The following SUPT16H variants were observed in gnomAD, a reference collection of about 807,000 sequenced individuals.
The protein encoded by SUPT16H is SPT16 homolog, facilitates chromatin remodeling subunit.
A neutral mutation model predicts 136.2 loss-of-function variants in SUPT16H; 24 were observed. The observed-to-expected ratio is 0.18, with a 90% confidence interval of 0.13 to 0.25. The LOEUF is 0.25. Ranked by LOEUF, SUPT16H falls within the 10% of genes least tolerant of loss-of-function variation. SUPT16H has a pLI of 1.00. For missense variants in SUPT16H, 623 were observed against 1,270.2 expected (o/e 0.49, Z 7.74); for synonymous variants, 415 against 428.2 (o/e 0.97, Z 0.38).
In SUPT16H at chr14:21,368,385, T is replaced by C; in HGVS notation, c.839A>G (p.Lys280Arg). 6.2e-7 allele frequency: 1 copy of C among 1,614,080 alleles called. No homozygotes were observed. The highest frequency in any genetic ancestry group is 8.5e-7 in the Non-Finnish European group (1 of 1,179,992). The change falls in exon 7 of 26, where the codon AAG becomes AGG. Residue 280 changes from lysine to arginine, a missense_variant. Transcript: ENST00000216297. ...GCGAACAAGGTTGGAGCAGTAAGAC[T>C]TGAAGCGAATACCCATGGCACAAGT... ...AITCAMGIRF[K>R]SYCSNLVRTL...
chr14:21,356,159 T>C (rs1886428555), intron 22 of SUPT16H, among the ~76,000 whole-genome samples: 1 of 151,760 alleles, frequency 6.6e-6, no homozygotes, highest in South Asian at 2.1e-4. Flanking sequence ...TGGAGAAGAG[T>C]ACAGGAAGGA....
rs775198001 is a variant in SUPT16H at position 21,362,959 on chromosome 14, TA to T, written c.1512-13del. On this transcript the variant is annotated splice_polypyrimidine_tract_variant and intron_variant, in intron 13 of 25. Coordinates refer to ENST00000216297, the MANE Select transcript of SUPT16H (RefSeq NM_007192.4). ...TAGACTTGCGAGCTCTGGAGTGGGA[TA>T]AAAAAACAACTGAGAAATTTCTGCA... 1.9e-6 allele frequency: 3 copies of T among 1,612,826 alleles called. No homozygotes were observed. In the Admixed American group the frequency reaches 5.0e-5, roughly 27 times the overall value.
At chr14:21,369,123 C>T (rs375136522) in intron 6 of SUPT16H, 81 bp downstream of exon 6, 7 of 1,496,780 alleles carry the variant, frequency 4.7e-6, no homozygotes, top group East Asian at 2.3e-5. Context: ...TCAGTGTACC[C>T]CACAAATTTG....
chr14:21,357,376 AGAAACT>A lies in SUPT16H; in HGVS notation c.2491-16_2491-11del. 6.4e-7 allele frequency: 1 copy of A among 1,569,592 alleles called. No homozygotes were observed. The highest frequency in any genetic ancestry group is 1.4e-5 in the African/African-American group (1 of 73,044). On this transcript the variant is annotated splice_polypyrimidine_tract_variant and intron_variant, in intron 21 of 25. Transcript: ENST00000216297. ...TCACCACAAAAGGTGGCTGTCAGGG[AGAAACT>A]GAATCATTAGCATATAAGTATTTCC... is the stretch of plus-strand genomic sequence containing the variant.
At chr14:21,355,408 G>A (rs1042406078) in intron 22 of SUPT16H, among the ~76,000 whole-genome samples, 28 of 150,876 alleles carry the variant, frequency 1.9e-4, no homozygotes, top group African/African-American at 5.8e-4. Context: ...CAGGAGAATC[G>A]CTTGAACCTG....
Position 21,369,876 on chromosome 14 carries a change from C to G in SUPT16H, c.504G>C (p.Val168=). 1 of 1,614,100 alleles carries G rather than the reference C, an allele frequency of 6.2e-7. No homozygotes were observed. Among genetic ancestry groups the G allele is most frequent in the Non-Finnish European group, 8.5e-7 (1 of 1,180,000 alleles). ...GFDKIDISAV[V]AYTIAVKEDG... is the part of the protein sequence containing the mutation. ...CCTCCTTTACAGCGATGGTATATGC[C>G]ACAACTGCACTGATATCTATCTGCA... is the stretch of plus-strand genomic sequence containing the variant. The change falls in exon 5 of 26, where the codon GTG becomes GTC. Residue 168 remains valine, a synonymous_variant. Transcript: ENST00000216297.
At chr14:21,370,678 A>G (rs1886767133) in intron 3 of SUPT16H, among the ~76,000 whole-genome samples, 190 bp from the exon 4 acceptor site, 1 of 152,178 alleles carries the variant, frequency 6.6e-6, no homozygotes, top group Non-Finnish European at 1.5e-5. Context: ...CAGTGGTGTG[A>G]TCACAGCTTA....
intron 19 of SUPT16H, 38 bp downstream of exon 19, chr14:21,359,446 C>T: frequency 6.2e-7 from 1 of 1,603,912 alleles, no homozygotes; most frequent in Non-Finnish European, 8.5e-7. Context: ...CTCATCCTCC[C>T]TCACTATCCT....
chr14:21,374,202 C>T (rs540532441), intron 1 of SUPT16H, among the ~76,000 whole-genome samples: 23 of 152,332 alleles, frequency 1.5e-4, no homozygotes, highest in Admixed American at 1.4e-3. Context: ...ATGAACACTT[C>T]AACAACATGA....
intron 1 of SUPT16H, among the ~76,000 whole-genome samples, chr14:21,380,215 T>C (rs1886992755): frequency 6.6e-6 from 1 of 151,750 alleles, no homozygotes. Context: ...CATTTTGTTA[T>C]CAGAGACTTG....
At chr14:21,369,927 T>C (rs1201960506) in intron 4 of SUPT16H, 31 bp from the exon 5 acceptor site, 1 of 1,608,820 alleles carries the variant, frequency 6.2e-7, no homozygotes, top group South Asian at 1.1e-5. Context: ...GTTTCTAACA[T>C]GCAAGTACAG....
At chr14:21,358,917 G>A (rs913483051) in intron 19 of SUPT16H, among the ~76,000 whole-genome samples, 4 of 148,502 alleles carry the variant, frequency 2.7e-5, no homozygotes, top group Non-Finnish European at 5.9e-5. Context: ...CCATTCTCCC[G>A]CCTCAGCCTC....
intron 2 of SUPT16H, among the ~76,000 whole-genome samples, chr14:21,372,932 G>A (rs1886819213): frequency 6.6e-6 from 1 of 152,050 alleles, no homozygotes; most frequent in Admixed American, 6.6e-5. Context: ...ACAGCTGATG[G>A]GACTGAGAAA....
chr14:21,374,444 A>C (rs1399828445), intron 1 of SUPT16H, among the ~76,000 whole-genome samples: 2 of 152,228 alleles, frequency 1.3e-5, no homozygotes, highest in African/African-American at 4.8e-5. Context: ...CAACCATCAC[A>C]ATTTTGGAAC....
chr14:21,382,038 G>A (rs1278380653), intron 1 of SUPT16H, among the ~76,000 whole-genome samples: 1 of 152,066 alleles, frequency 6.6e-6, no homozygotes, highest in Non-Finnish European at 1.5e-5. Flanking sequence ...GAGGATAAGC[G>A]ACTAGATTTA....
In SUPT16H at chr14:21,353,130, T is replaced by C. The variant is rs577075064; in HGVS notation, c.2999-312A>G. Reference sequence around the variant, plus strand: ...TAGATTAGCATTATAAAGACATGCCTAACCTGGAAGAAGCCTAGAAAATTA... The same window carrying C: ...TAGATTAGCATTATAAAGACATGCCCAACCTGGAAGAAGCCTAGAAAATTA... On this transcript the variant is annotated intron_variant, in intron 25 of 25. Coordinates refer to ENST00000216297, the MANE Select transcript of SUPT16H (RefSeq NM_007192.4). Among the ~76,000 whole-genome samples, 4 of 152,328 alleles carry C rather than the reference T, an allele frequency of 2.6e-5. 1 individual carries two copies. The highest frequency in any genetic ancestry group is 9.6e-5 in the African/African-American group (4 of 41,576).
chr14:21,372,961 A>G (rs1413681325), intron 2 of SUPT16H, among the ~76,000 whole-genome samples: 1 of 152,146 alleles, frequency 6.6e-6, no homozygotes, highest in East Asian at 1.9e-4. Context: ...TTTTAAAGTA[A>G]GAGACAGGGT....
intron 1 of SUPT16H, among the ~76,000 whole-genome samples, chr14:21,378,658 C>A (rs1372947412): frequency 1.3e-5 from 2 of 152,024 alleles, no homozygotes; most frequent in South Asian, 4.2e-4. Context: ...TGTGATGACA[C>A]AAAGAAGTTA....
In SUPT16H at chr14:21,351,920, C is replaced by T. The variant is rs61977520; in HGVS notation, c.*753G>A. 0.025 allele frequency: 3,780 copies of T among 152,730 alleles called. 50 individuals carry two copies. Among genetic ancestry groups the T allele is most frequent in the African/African-American group, 0.033 (1,355 of 41,526 alleles). The allele number at this position is 152,730 out of a possible 1,614,324, so 9.5% of individuals were successfully genotyped here. On this transcript the variant is annotated 3_prime_UTR_variant, in exon 26 of 26. Transcript: ENST00000216297. ...CCTCTACATTTCACTAGAAGCGGTA[C>T]ATGAGGCACAACCTGATATATCTTC...
Sources: allele counts gnomAD v4.1 joint callset (sites outside exome capture counted in the v4.1 genomes callset), GRCh38; gene constraint gnomAD v4.1.1; transcripts MANE v1.5; gene names NCBI Gene and HGNC (gene_info 2026-07-23, HGNC 2026-07-21).